Variants in UPP2 observed in about 807,000 individuals in gnomAD.
UPP2 encodes the protein UPase 2.
UPP2 carries 23 observed loss-of-function variants against 26.7 expected under a neutral mutation model. The ratio of observed to expected loss-of-function variants is 0.86; its 90% confidence interval spans 0.62 to 1.22. The LOEUF (loss-of-function observed/expected upper bound fraction) is 1.22. Among genes scored for constraint, UPP2 ranks in the 50% most tolerant of loss-of-function variants. The pLI is 0.00. For missense variants in UPP2, 387 were observed against 396.7 expected (o/e 0.98, Z 0.21); for synonymous variants, 127 against 141.3 (o/e 0.90, Z 0.72).
intron 3 of UPP2, among the ~76,000 whole-genome samples, chr2:158,068,608 T>C (rs1682475453): frequency 6.6e-6 from 1 of 150,974 alleles, no homozygotes; most frequent in African/African-American, 2.4e-5. Flanking sequence ...ACCTGTAAAA[T>C]GAAGTGGTTA....
At chr2:158,133,160 A>G (rs1267778694) in intron 6 of UPP2, among the ~76,000 whole-genome samples, 1 of 152,246 alleles carries the variant, frequency 6.6e-6, no homozygotes, top group Non-Finnish European at 1.5e-5. Context: ...AATGTGGTAT[A>G]TATACACAAT....
At chr2:158,047,584 G>A (rs1684174651) in intron 3 of UPP2, among the ~76,000 whole-genome samples, 1 of 152,172 alleles carries the variant, frequency 6.6e-6, no homozygotes, top group South Asian at 2.1e-4. Flanking sequence ...AGAAGGCACA[G>A]GAAGTCTTTT....
intron 2 of UPP2, among the ~76,000 whole-genome samples, chr2:158,013,195 T>G (rs1683607819): frequency 6.6e-6 from 1 of 152,074 alleles, no homozygotes; most frequent in Non-Finnish European, 1.5e-5. Flanking sequence ...GGAGTCTCAC[T>G]ATGTTGCACA....
At chr2:158,074,145 C>T (rs1190917554) in intron 3 of UPP2, among the ~76,000 whole-genome samples, 3 of 152,138 alleles carry the variant, frequency 2.0e-5, no homozygotes, top group African/African-American at 7.2e-5. Context: ...CCACTGCATT[C>T]CAGCCAAGGT....
At chr2:158,111,850 T>C (rs1311655522) in intron 2 of UPP2, among the ~76,000 whole-genome samples, 3 of 152,158 alleles carry the variant, frequency 2.0e-5, no homozygotes, top group Admixed American at 2.0e-4. Flanking sequence ...TTGTACGACT[T>C]GAAGTGGGAC....
intron 3 of UPP2, among the ~76,000 whole-genome samples, chr2:158,116,335 C>T (rs1373623078): frequency 6.6e-6 from 1 of 152,168 alleles, no homozygotes; most frequent in Non-Finnish European, 1.5e-5. Context: ...TAGACTATAA[C>T]TGTTTTTTGT....
At chr2:158,079,428 G>A (rs1682684408) in intron 3 of UPP2, among the ~76,000 whole-genome samples, 3 of 152,054 alleles carry the variant, frequency 2.0e-5, no homozygotes. Flanking sequence ...TAGGATTGGA[G>A]AGCCTTGAGC....
intron 3 of UPP2, among the ~76,000 whole-genome samples, chr2:158,036,549 C>A (rs1388632937): frequency 1.3e-5 from 2 of 152,168 alleles, no homozygotes; most frequent in Admixed American, 6.5e-5. Flanking sequence ...CCAGTGGTGC[C>A]ATTTTATGTA....
At chr2:158,050,204 T>C (rs1265720931) in intron 3 of UPP2, among the ~76,000 whole-genome samples, 1 of 152,178 alleles carries the variant, frequency 6.6e-6, no homozygotes, top group Non-Finnish European at 1.5e-5. Flanking sequence ...GAACTGAGGT[T>C]TTCCATGAGC....
chr2:158,022,029 T>C (rs2105149097), intron 3 of UPP2, among the ~76,000 whole-genome samples: 1 of 149,928 alleles, frequency 6.7e-6, no homozygotes, highest in South Asian at 2.1e-4. Context: ...TACCATAAAG[T>C]CAGCAGTTTT....
In UPP2 at chr2:158,045,320, G is replaced by A. The variant is rs150387749; in HGVS notation, c.147+29434G>A. ...GGTGAAAGGATGGTAAGATGCAGGC[G>A]AAGACAAGGAAAACCCCACCCTTTC... On this transcript the variant is annotated intron_variant, in intron 3 of 9. Transcript: ENST00000605860. Among the ~76,000 whole-genome samples, 519 of 152,240 alleles carry A rather than the reference G, an allele frequency of 3.4e-3. 6 individuals carry two copies. Among genetic ancestry groups the A allele is most frequent in the African/African-American group, 0.012 (482 of 41,520 alleles).
chr2:158,130,926 T>C (rs1287769887), intron 6 of UPP2, among the ~76,000 whole-genome samples: 2 of 152,226 alleles, frequency 1.3e-5, no homozygotes, highest in Non-Finnish European at 2.9e-5. Flanking sequence ...AACATGACTC[T>C]AGAAGAACAA....
chr2:158,064,184 A>G (rs1682398122), intron 3 of UPP2, among the ~76,000 whole-genome samples: 1 of 152,212 alleles, frequency 6.6e-6, no homozygotes, highest in Non-Finnish European at 1.5e-5. Context: ...GTGTTCCACA[A>G]TGGTTGAACT....
intron 2 of UPP2, among the ~76,000 whole-genome samples, chr2:157,997,858 T>C (rs982525169): frequency 1.3e-5 from 2 of 152,220 alleles, no homozygotes; most frequent in African/African-American, 4.8e-5. Flanking sequence ...CTCTTACCAC[T>C]AAACGTTTGG....
upstream of UPP2, among the ~76,000 whole-genome samples, chr2:158,099,125 T>C (rs1683032103): frequency 6.6e-6 from 1 of 152,214 alleles, no homozygotes; most frequent in Non-Finnish European, 1.5e-5. Flanking sequence ...TGTGGTAACT[T>C]GCGTTTTCTT....
At chr2:158,039,261 T>G (rs1038960869) in intron 3 of UPP2, among the ~76,000 whole-genome samples, 1 of 152,200 alleles carries the variant, frequency 6.6e-6, no homozygotes, top group African/African-American at 2.4e-5. Context: ...GGCTTTCAAC[T>G]AAAAGTCAGG....
At chr2:158,006,519 A>T (rs1278896812) in intron 2 of UPP2, among the ~76,000 whole-genome samples, 1 of 151,764 alleles carries the variant, frequency 6.6e-6, no homozygotes, top group Non-Finnish European at 1.5e-5. Context: ...TCCCAATATG[A>T]AGCAGAACAC....
chr2:158,115,068 C>T (rs930191748), intron 2 of UPP2, 33 bp from the exon 3 acceptor site: 2 of 1,559,948 alleles, frequency 1.3e-6, no homozygotes, highest in African/African-American at 2.8e-5. Flanking sequence ...ATCCCAGTTA[C>T]TATGGCAGGC....
chr2:158,043,715 T>C (rs142551655), intron 3 of UPP2, among the ~76,000 whole-genome samples: 8 of 152,300 alleles, frequency 5.3e-5, no homozygotes, highest in South Asian at 2.1e-4. Context: ...ATCTTGCCCA[T>C]ATTGCTGCCA....
Sources: allele counts gnomAD v4.1 joint callset (sites outside exome capture counted in the v4.1 genomes callset), GRCh38; gene constraint gnomAD v4.1.1; transcripts MANE v1.5; gene names NCBI Gene and HGNC (gene_info 2026-07-23, HGNC 2026-07-21).